Variants in CA10 observed in about 807,000 individuals in gnomAD.
CA10 encodes the protein carbonic anhydrase-related protein 10.
In CA10, 14 loss-of-function variants were observed where a neutral mutation model predicts 44.2. That is an observed-to-expected ratio of 0.32 (90% CI 0.21 to 0.50). CA10 has a LOEUF of 0.50. CA10 is among the 20% of genes least tolerant of loss of function. The probability of loss-of-function intolerance (pLI) is 0.99; values close to 1 mark genes in which losing one functional copy is unlikely to be tolerated. For missense variants in CA10, 350 were observed against 409.7 expected (o/e 0.85, Z 1.26); for synonymous variants, 159 against 141.6 (o/e 1.12, Z -0.87).
chr17:52,123,622 C>G (rs1989059426), intron 1 of CA10, among the ~76,000 whole-genome samples: 1 of 152,104 alleles, frequency 6.6e-6, no homozygotes, highest in Non-Finnish European at 1.5e-5. Context: ...GGACCCAAAG[C>G]CATTGATCGA....
At chr17:51,943,793 T>A (rs2144020770) in intron 2 of CA10, among the ~76,000 whole-genome samples, 1 of 152,254 alleles carries the variant, frequency 6.6e-6, no homozygotes, top group Non-Finnish European at 1.5e-5. Context: ...AAATTAACAT[T>A]TATTGGAAGA....
chr17:51,810,925 AAC>A (rs1204960797), intron 3 of CA10, among the ~76,000 whole-genome samples: 1 of 152,218 alleles, frequency 6.6e-6, no homozygotes. Flanking sequence ...ATAATTTCTG[AAC>A]ACAGGTTGGG....
intron 4 of CA10, among the ~76,000 whole-genome samples, chr17:51,687,324 C>T (rs1338049064): frequency 6.6e-6 from 1 of 152,190 alleles, no homozygotes; most frequent in Non-Finnish European, 1.5e-5. Flanking sequence ...CATTCAATAT[C>T]AATTAGTCAT....
chr17:51,895,347 G>A (rs1757820989), intron 3 of CA10, among the ~76,000 whole-genome samples: 1 of 152,028 alleles, frequency 6.6e-6, no homozygotes, highest in African/African-American at 2.4e-5. Flanking sequence ...AAAGAAGTAC[G>A]TTTTCAAGCT....
intron 4 of CA10, among the ~76,000 whole-genome samples, chr17:51,717,601 A>G (rs1184080285): frequency 7.3e-6 from 1 of 136,218 alleles, no homozygotes; most frequent in Non-Finnish European, 1.5e-5. Flanking sequence ...TTGTGTATAT[A>G]TATACATGTA....
intron 2 of CA10, among the ~76,000 whole-genome samples, chr17:51,954,245 C>T (rs1232635782): frequency 6.6e-6 from 1 of 152,168 alleles, no homozygotes. Flanking sequence ...AATTCCAATG[C>T]TCCCTCTCCT....
At chr17:52,099,723 G>A (rs1022631343) in intron 1 of CA10, among the ~76,000 whole-genome samples, 1 of 152,166 alleles carries the variant, frequency 6.6e-6, no homozygotes, top group Admixed American at 6.5e-5. Context: ...ATATCCATAG[G>A]GAATGTCATA....
intron 1 of CA10, among the ~76,000 whole-genome samples, chr17:52,109,517 C>G (rs1045863604): frequency 2.0e-5 from 3 of 152,186 alleles, no homozygotes; most frequent in Non-Finnish European, 4.4e-5. Context: ...AGGCTGTAAT[C>G]TTTCCCCAGA....
At chr17:51,667,401 A>G (rs1914248227) in intron 4 of CA10, among the ~76,000 whole-genome samples, 1 of 152,140 alleles carries the variant, frequency 6.6e-6, no homozygotes, top group East Asian at 1.9e-4. Context: ...TACTTCCATC[A>G]TGATGTCAAT....
At chr17:51,849,346 A>T (rs1978687367) in intron 3 of CA10, among the ~76,000 whole-genome samples, 1 of 150,400 alleles carries the variant, frequency 6.6e-6, no homozygotes, top group Non-Finnish European at 1.5e-5. Context: ...TGCCTAGCAC[A>T]TAAGATACAC....
rs530390970 is a variant in CA10, at chr17:52,112,484, C to A, written c.62-40091G>T. On this transcript the variant is annotated intron_variant, in intron 1 of 8. Transcript: ENST00000451037. ...AAAAAGACCACGCTGGCCACAATGCCAAAAAATAGTTATATTTGGCCCTTT... is the reference window on the plus strand; with the variant it reads ...AAAAAGACCACGCTGGCCACAATGCAAAAAAATAGTTATATTTGGCCCTTT... Among the ~76,000 whole-genome samples, 18 of 152,252 alleles carry A rather than the reference C, an allele frequency of 1.2e-4. No individual in the cohort carries two copies. In the East Asian group the frequency reaches 3.3e-3, roughly 28 times the overall value.
chr17:52,094,148 T>A (rs1276606529), intron 1 of CA10, among the ~76,000 whole-genome samples: 1 of 151,874 alleles, frequency 6.6e-6, no homozygotes, highest in Non-Finnish European at 1.5e-5. Context: ...CTGCGGGGTG[T>A]GGGGGCTGGG....
chr17:51,842,989 G>C (rs959201802), intron 3 of CA10, among the ~76,000 whole-genome samples: 7 of 152,242 alleles, frequency 4.6e-5, no homozygotes, highest in African/African-American at 1.7e-4. Flanking sequence ...GATAAGTACA[G>C]TGACCATCTC....
chr17:51,949,569 AAGG>A, intron 2 of CA10, among the ~76,000 whole-genome samples: 1 of 152,290 alleles, frequency 6.6e-6, no homozygotes, highest in South Asian at 2.1e-4. Flanking sequence ...AGGCACAGGC[AAGG>A]AGGTTAGTCT....
chr17:52,037,718 A>G (rs1430530213), intron 2 of CA10, among the ~76,000 whole-genome samples: 1 of 152,136 alleles, frequency 6.6e-6, no homozygotes, highest in Non-Finnish European at 1.5e-5. Context: ...ATTTTTATGA[A>G]GATTGTCTTA....
chr17:51,734,188 G>GCTCCAA (rs1158497721), intron 4 of CA10, among the ~76,000 whole-genome samples: 1 of 140,562 alleles, frequency 7.1e-6, no homozygotes, highest in African/African-American at 2.6e-5. Flanking sequence ...TGGGGGGGGG[G>GCTCCAA]GGTTCCAATG....
At chr17:51,645,834 T>C (rs1913309650) in intron 6 of CA10, among the ~76,000 whole-genome samples, 1 of 152,252 alleles carries the variant, frequency 6.6e-6, no homozygotes, top group Non-Finnish European at 1.5e-5. Flanking sequence ...TTCTTCCTCA[T>C]CTTCATCTCC....
intron 1 of CA10, among the ~76,000 whole-genome samples, chr17:52,087,038 A>C (rs1158702544): frequency 1.3e-5 from 2 of 152,074 alleles, no homozygotes; most frequent in Non-Finnish European, 2.9e-5. Context: ...CTGCTTTCTT[A>C]CTCACCATTT....
At chr17:51,733,799 G>A (rs1916801563) in intron 4 of CA10, among the ~76,000 whole-genome samples, 1 of 152,182 alleles carries the variant, frequency 6.6e-6, no homozygotes, top group Non-Finnish European at 1.5e-5. Flanking sequence ...CAAAACCTAA[G>A]TAGATGATGC....
Sources: gnomAD v4.1 joint callset for allele counts (sites outside exome capture counted in the v4.1 genomes callset) on GRCh38, gnomAD v4.1.1 for gene constraint, MANE v1.5 for transcripts, NCBI Gene and HGNC (gene_info 2026-07-23, HGNC 2026-07-21) for gene names.